The following KLHL32 variants were observed in gnomAD, a reference collection of about 807,000 sequenced individuals.
KLHL32 encodes the protein kelch like family member 32, also known as kelch-like protein 32.
In KLHL32, 35 loss-of-function variants were observed where a neutral mutation model predicts 64.8. That is an observed-to-expected ratio of 0.54 (90% CI 0.41 to 0.72). The LOEUF (loss-of-function observed/expected upper bound fraction) is 0.72. Ranked by LOEUF, KLHL32 falls within the 30% of genes least tolerant of loss-of-function variation. The pLI is 0.00. For synonymous variants in KLHL32, 259 were observed against 281.0 expected (o/e 0.92, Z 0.78); for missense variants, 589 against 768.5 (o/e 0.77, Z 2.76).
intron 3 of KLHL32, among the ~76,000 whole-genome samples, chr6:96,996,359 G>C (rs962878244): frequency 2.0e-5 from 3 of 152,000 alleles, no homozygotes; most frequent in African/African-American, 7.3e-5. Flanking sequence ...ATTGAGAAAA[G>C]GGCATAAATC....
intron 3 of KLHL32, among the ~76,000 whole-genome samples, chr6:96,986,390 C>T (rs918495686): frequency 3.9e-5 from 6 of 152,180 alleles, no homozygotes; most frequent in Non-Finnish European, 8.8e-5. Flanking sequence ...CCACTACTCT[C>T]GTCAAGGCTG....
intron 3 of KLHL32, among the ~76,000 whole-genome samples, chr6:97,039,779 C>T (rs1021025598): frequency 9.2e-5 from 14 of 151,902 alleles, no homozygotes; most frequent in Admixed American, 8.5e-4. Flanking sequence ...GAGATTGTGC[C>T]ACTGCACTCC....
the KLHL32 span, among the ~76,000 whole-genome samples, chr6:96,908,288 C>A: frequency 1.3e-5 from 2 of 152,212 alleles, no homozygotes; most frequent in Admixed American, 1.3e-4. Flanking sequence ...TGTTAATTAA[C>A]ATCAAGAAAT....
intron 1 of KLHL32, among the ~76,000 whole-genome samples, chr6:96,941,917 T>C (rs183207756): frequency 6.6e-6 from 1 of 152,278 alleles, no homozygotes; most frequent in Non-Finnish European, 1.5e-5. Context: ...TTTTTGAGAA[T>C]CAAATAAATG....
At chr6:96,914,396 C>T in the KLHL32 span, among the ~76,000 whole-genome samples, 13 of 152,196 alleles carry the variant, frequency 8.5e-5, no homozygotes, top group South Asian at 2.1e-4. Context: ...TCCAAATTAT[C>T]GGCTCTTCAG....
rs1318065356 is a variant in KLHL32, at chr6:97,062,113, G to A, written c.313-2515G>A. On this transcript the variant is annotated intron_variant, in intron 4 of 10. Coordinates refer to ENST00000369261, the MANE Select transcript of KLHL32 (RefSeq NM_052904.4). ...AAAAAGACAAAAACAATCGCCGTAT[G>A]GGTTTTTCATGTGCAGGCTTCTGGA... 3.9e-5 allele frequency among the ~76,000 whole-genome samples: 6 copies of A among 152,198 alleles called. 1 individual carries two copies. The South Asian group carries it at 1.2e-3, about 31-fold the overall frequency.
Position 96,995,710 on chromosome 6 carries a change from C to G in KLHL32, c.204+19533C>G, listed in dbSNP as rs1253621479. ...CTTCCTGTTCAGCTCTTAGTCTACC[C>G]TGTCCATCTTCCAAGGTTTCTCACA... On this transcript the variant is annotated intron_variant, in intron 3 of 10. Coordinates refer to ENST00000369261, the MANE Select transcript of KLHL32 (RefSeq NM_052904.4). Among the ~76,000 whole-genome samples, 2 of 152,204 alleles carry G rather than the reference C, an allele frequency of 1.3e-5. 1 individual carries two copies. The highest frequency in any genetic ancestry group is 2.9e-5 in the Non-Finnish European group (2 of 68,038).
chr6:97,005,420 C>CA (rs1486414085), intron 3 of KLHL32, among the ~76,000 whole-genome samples: 1 of 151,860 alleles, frequency 6.6e-6, no homozygotes, highest in Non-Finnish European at 1.5e-5. Context: ...TTTATTCTTT[C>CA]AAAAAGCAAA....
chr6:97,087,850 G>A (rs955203512), intron 6 of KLHL32, among the ~76,000 whole-genome samples: 9 of 152,142 alleles, frequency 5.9e-5, no homozygotes, highest in Non-Finnish European at 1.3e-4. Flanking sequence ...TAACCTCACC[G>A]AACCAACTCT....
intron 1 of KLHL32, among the ~76,000 whole-genome samples, chr6:96,939,125 T>C (rs11755736): frequency 0.32 from 48,751 of 152,054 alleles, 8,155 homozygotes; most frequent in African/African-American, 0.4. Context: ...ATGGCCCGCC[T>C]CTCCCCTCTT....
intron 10 of KLHL32, among the ~76,000 whole-genome samples, chr6:97,133,792 G>A (rs1206936562): frequency 6.6e-6 from 1 of 152,162 alleles, no homozygotes; most frequent in Non-Finnish European, 1.5e-5. Flanking sequence ...CAAGGGTAAG[G>A]TAGATATGGA....
chr6:96,985,098 C>A (rs1238031312), intron 3 of KLHL32, among the ~76,000 whole-genome samples: 2 of 152,160 alleles, frequency 1.3e-5, no homozygotes, highest in African/African-American at 2.4e-5. Context: ...ATTTGCTTGT[C>A]TGTAACAGAT....
At chr6:97,008,067 G>T (rs890670876) in intron 3 of KLHL32, among the ~76,000 whole-genome samples, 3 of 152,192 alleles carry the variant, frequency 2.0e-5, no homozygotes, top group African/African-American at 7.2e-5. Flanking sequence ...CCTCATGCAG[G>T]TGGTTGTGGT....
chr6:96,953,995 C>T (rs1325045175), intron 1 of KLHL32, among the ~76,000 whole-genome samples: 2 of 152,020 alleles, frequency 1.3e-5, no homozygotes, highest in African/African-American at 4.8e-5. Flanking sequence ...TTTCTGAACT[C>T]CTCTAGTTTG....
At chr6:97,072,531 C>T (rs1790908600) in intron 5 of KLHL32, among the ~76,000 whole-genome samples, 1 of 148,552 alleles carries the variant, frequency 6.7e-6, no homozygotes, top group Non-Finnish European at 1.5e-5. Context: ...TACACAGGGC[C>T]TGTCTTTATT....
intron 3 of KLHL32, among the ~76,000 whole-genome samples, chr6:97,028,424 C>T (rs899086325): frequency 6.6e-6 from 1 of 152,210 alleles, no homozygotes; most frequent in African/African-American, 2.4e-5. Context: ...TTAGAGAATT[C>T]TCCCTGAATT....
At chr6:96,905,620 A>G in the KLHL32 span, among the ~76,000 whole-genome samples, 1 of 152,228 alleles carries the variant, frequency 6.6e-6, no homozygotes. Flanking sequence ...TACTTATTTC[A>G]TAGGGTTGTT....
intron 5 of KLHL32, among the ~76,000 whole-genome samples, chr6:97,070,287 A>G (rs774181868): frequency 4.6e-5 from 7 of 152,202 alleles, no homozygotes; most frequent in Non-Finnish European, 1.0e-4. Flanking sequence ...AAGGGTGGAA[A>G]TGTATCAGAC....
Position 97,036,754 on chromosome 6 carries a change from G to A in KLHL32, c.205-4738G>A, listed in dbSNP as rs551894988. ...GACAAGTGACATCACACCCAGGTGTGGGCTCATGTGAAGCCGTACCGGGTG... is the reference window on the plus strand; with the variant it reads ...GACAAGTGACATCACACCCAGGTGTAGGCTCATGTGAAGCCGTACCGGGTG... On this transcript the variant is annotated intron_variant, in intron 3 of 10. Transcript: ENST00000369261. 2.6e-5 allele frequency among the ~76,000 whole-genome samples: 4 copies of A among 152,314 alleles called. No homozygotes were observed. In the East Asian group the frequency reaches 5.8e-4, roughly 22 times the overall value.
Sources: allele counts gnomAD v4.1 joint callset (sites outside exome capture counted in the v4.1 genomes callset), GRCh38; gene constraint gnomAD v4.1.1; transcripts MANE v1.5; gene names NCBI Gene and HGNC (gene_info 2026-07-23, HGNC 2026-07-21).